The following DIAPH1 variants were observed in gnomAD, a reference collection of about 807,000 sequenced individuals.
DIAPH1 encodes protein diaphanous homolog 1.
A neutral mutation model predicts 140.7 loss-of-function variants in DIAPH1; 46 were observed. The observed-to-expected ratio is 0.33, with a 90% CI of 0.26 to 0.42. The LOEUF (loss-of-function observed/expected upper bound fraction) is 0.42. DIAPH1 is among the 10% of genes least tolerant of loss of function. DIAPH1 has a pLI of 1.00. For missense variants in DIAPH1, 1,310 were observed against 1,558.7 expected (o/e 0.84, Z 2.69); for synonymous variants, 565 against 551.6 (o/e 1.02, Z -0.34).
Position 141,528,561 on chromosome 5 carries a change from C to G in DIAPH1, c.3040G>C (p.Asp1014His). The G allele has an allele frequency of 2.5e-6, 4 of 1,614,198 alleles. No individual in the cohort carries two copies. In the South Asian group the frequency reaches 4.4e-5, roughly 18 times the overall value. ...AAGTGTAACAACGTCATCTTCTGAT[C>G]TGTGGACTTGGTGTCTCGAAGCTTA... Reference protein sequence around the residue: ...LCKLRDTKSTDQKMTLLHFLA... With the variant: ...LCKLRDTKSTHQKMTLLHFLA... The change falls in exon 23 of 28, where the codon GAT becomes CAT. Residue 1014 changes from aspartate to histidine, a missense_variant. Transcript: ENST00000389054.
At chr5:141,609,683 C>T (rs747552144) in intron 1 of DIAPH1, among the ~76,000 whole-genome samples, 1 of 152,184 alleles carries the variant, frequency 6.6e-6, no homozygotes, top group South Asian at 2.1e-4. Context: ...TTGTTATTCC[C>T]TATCCTAGTC....
intron 1 of DIAPH1, among the ~76,000 whole-genome samples, chr5:141,602,506 C>T (rs1453309861): frequency 2.0e-5 from 3 of 152,196 alleles, no homozygotes; most frequent in African/African-American, 7.2e-5. Context: ...TGAGCCACCA[C>T]GCCTGGCCTT....
At chr5:141,593,253 G>T (rs1222230429) in intron 1 of DIAPH1, among the ~76,000 whole-genome samples, 1 of 152,164 alleles carries the variant, frequency 6.6e-6, no homozygotes, top group Non-Finnish European at 1.5e-5. Flanking sequence ...TAGATCCCTA[G>T]ATCATACCCC....
chr5:141,572,234 G>T (rs1266857961), intron 16 of DIAPH1, among the ~76,000 whole-genome samples, 194 bp from the exon 17 acceptor site: 3 of 152,134 alleles, frequency 2.0e-5, no homozygotes, highest in African/African-American at 7.2e-5. Flanking sequence ...GTTAATTGGT[G>T]ATTATTCAAG....
At chr5:141,538,622 G>A (rs1200817917) in intron 18 of DIAPH1, among the ~76,000 whole-genome samples, 2 of 151,702 alleles carry the variant, frequency 1.3e-5, no homozygotes, top group African/African-American at 2.4e-5. Flanking sequence ...TAGTAGAGAC[G>A]GGGTTTCACC....
intron 18 of DIAPH1, among the ~76,000 whole-genome samples, chr5:141,568,704 T>A (rs1281212903): frequency 6.6e-6 from 1 of 152,188 alleles, no homozygotes; most frequent in Non-Finnish European, 1.5e-5. Flanking sequence ...CTTTCTTCAA[T>A]GCCCATTCTT....
Position 141,544,941 on chromosome 5 carries a change from G to A in DIAPH1, c.2483-10508C>T, listed in dbSNP as rs139297927. ...AATATATTTGTCTAGACAAAATCCT[G>A]TATGCAAACGTTTCTATCAGCTTTA... is the stretch of plus-strand genomic sequence containing the variant. On this transcript the variant is annotated intron_variant, in intron 18 of 27. Transcript: ENST00000389054. 7.6e-3 allele frequency among the ~76,000 whole-genome samples: 1,152 copies of A among 152,280 alleles called. 18 individuals are homozygous for A. Among genetic ancestry groups the A allele is most frequent in the African/African-American group, 0.026 (1,094 of 41,558 alleles).
intron 18 of DIAPH1, among the ~76,000 whole-genome samples, chr5:141,544,130 G>A (rs1307552200): frequency 6.6e-6 from 1 of 152,006 alleles, no homozygotes; most frequent in Admixed American, 6.5e-5. Context: ...CTAACACGGT[G>A]AAACCCTGTC....
chr5:141,522,598 A>AC lies in DIAPH1; in HGVS notation c.3661+1544dup, dbSNP rs397965976. ...GGGGTCAAAAAAAAAAAAAAAAAAAACAATAAGATGCAATGTATTTTTGTA... is the reference window on the plus strand; with the variant it reads ...GGGGTCAAAAAAAAAAAAAAAAAAAACCAATAAGATGCAATGTATTTTTGTA... On this transcript the variant is annotated intron_variant, in intron 27 of 27. Coordinates refer to ENST00000389054, the MANE Select transcript of DIAPH1 (RefSeq NM_005219.5). Among the ~76,000 whole-genome samples, 19 of 149,516 alleles carry AC rather than the reference A, an allele frequency of 1.3e-4. No homozygotes were observed. In the East Asian group the frequency reaches 1.5e-3, roughly 12 times the overall value.
intron 1 of DIAPH1, among the ~76,000 whole-genome samples, chr5:141,600,869 TC>T (rs1231252328): frequency 6.6e-6 from 1 of 152,210 alleles, no homozygotes; most frequent in Non-Finnish European, 1.5e-5. Context: ...AAGGACTCAC[TC>T]AAGCCAGGTT....
intron 7 of DIAPH1, chr5:141,581,857 G>A (rs190559574): frequency 0.011 from 1,825 of 158,918 alleles, 26 homozygotes; most frequent in African/African-American, 0.028. Flanking sequence ...GATCGAGACC[G>A]TCCTGGCTAA....
intron 27 of DIAPH1, among the ~76,000 whole-genome samples, chr5:141,517,534 C>T (rs577255894): frequency 6.6e-5 from 10 of 152,272 alleles, no homozygotes; most frequent in East Asian, 1.9e-4. Flanking sequence ...ACAGCAGCCA[C>T]GCACTGACAC....
At chr5:141,538,745 A>T (rs756033905) in intron 18 of DIAPH1, among the ~76,000 whole-genome samples, 1 of 151,914 alleles carries the variant, frequency 6.6e-6, no homozygotes, top group African/African-American at 2.4e-5. Flanking sequence ...CCTGGCTAAC[A>T]TTTATATTTC....
rs1596422064 is a variant in DIAPH1 at position 141,618,871 on chromosome 5, C to T, written c.44G>A (p.Arg15Gln). 1 of 1,523,116 alleles carries T rather than the reference C, an allele frequency of 6.6e-7. No homozygotes were observed. The highest frequency in any genetic ancestry group is 8.8e-7 in the Non-Finnish European group (1 of 1,135,198). 94.4% of individuals were successfully genotyped at this position (1,523,116 alleles called of 1,614,324 possible). A position where few individuals can be genotyped will look rare whatever the true frequency, so the allele number is the denominator to read the frequency against. The change falls in exon 1 of 28, where the codon CGG becomes CAG. Residue 15 changes from arginine (R) to glutamine (Q), a missense_variant. Around this residue, in one of 3 missense-constraint regions of DIAPH1, gnomAD observed 377 missense variants for 497.1 expected, o/e 0.76. Transcript: ENST00000389054. ...TGGGCTCCGGCCCTTCTTCTTGTCC[C>T]GGGTCCCGCGGCCGGGCCCCAGGCT... ...GGSLGPGRGT[R>Q]DKKKGRSPDE...
intron 17 of DIAPH1, 152 bp downstream of exon 17, chr5:141,571,774 C>A (rs748491948): frequency 1.4e-6 from 1 of 738,180 alleles, no homozygotes; most frequent in South Asian, 1.5e-5. Flanking sequence ...ACAAAAACAT[C>A]TTTTCTTTCT....
intron 26 of DIAPH1, among the ~76,000 whole-genome samples, chr5:141,524,936 T>G (rs984929965): frequency 1.3e-5 from 2 of 152,020 alleles, no homozygotes; most frequent in Non-Finnish European, 2.9e-5. Context: ...TGACCTACAT[T>G]CCACCCTCAT....
chr5:141,618,907 G>C lies in DIAPH1; in HGVS notation c.8C>G (p.Pro3Arg). The C allele has an allele frequency of 6.6e-7, 1 of 1,509,346 alleles. No homozygotes were observed. The highest frequency in any genetic ancestry group is 8.9e-7 in the Non-Finnish European group (1 of 1,127,986). The allele number at this position is 1,509,346 out of a possible 1,614,324, so 93.5% of individuals were successfully genotyped here. A position where few individuals can be genotyped will look rare whatever the true frequency, so the allele number is the denominator to read the frequency against. The change falls in exon 1 of 28, where the codon CCG becomes CGG. Residue 3 changes from proline to arginine, a missense_variant. Physicochemically the swap from Pro to Arg is moderately radical, Grantham distance 103. Transcript: ENST00000389054. ME[P>R]PGGSLGPGRG... The stretch of plus-strand genomic sequence containing the variant: ...GCCGGGCCCCAGGCTCCCGCCGGGC[G>C]GCTCCATGTCCCGGTTCACGCTGGC...
chr5:141,519,225 A>C (rs1321829259), intron 27 of DIAPH1, among the ~76,000 whole-genome samples: 1 of 152,156 alleles, frequency 6.6e-6, no homozygotes, highest in Non-Finnish European at 1.5e-5. Context: ...CTTACCACCA[A>C]AATCTTCCTC....
chr5:141,538,903 C>A (rs936118996), intron 18 of DIAPH1, among the ~76,000 whole-genome samples: 1 of 152,128 alleles, frequency 6.6e-6, no homozygotes, highest in Non-Finnish European at 1.5e-5. Context: ...CTACCAAATT[C>A]ATAAAAAATA....
Sources: allele counts gnomAD v4.1 joint callset (sites outside exome capture counted in the v4.1 genomes callset), GRCh38; gene constraint gnomAD v4.1.1; regional missense constraint gnomAD v4.1.1; transcripts MANE v1.5; gene names NCBI Gene and HGNC (gene_info 2026-07-23, HGNC 2026-07-21).